Variants in ALDH1A2 observed in about 807,000 individuals in gnomAD.
The protein encoded by ALDH1A2 is aldehyde dehydrogenase 1 family member A2.
ALDH1A2 carries 27 observed loss-of-function variants against 60.3 expected under a neutral mutation model. The ratio of observed to expected loss-of-function variants is 0.45; its 90% CI spans 0.33 to 0.62. The LOEUF (loss-of-function observed/expected upper bound fraction) is 0.62, where lower values mean the gene tolerates loss of function less well. Among genes scored for constraint, ALDH1A2 ranks in the 20% least tolerant of loss-of-function variants. The pLI is 0.02. For missense variants in ALDH1A2, 581 were observed against 643.8 expected (o/e 0.90, Z 1.06); for synonymous variants, 289 against 232.4 (o/e 1.24, Z -2.21).
chr15:58,052,427 C>T (rs1029365890), intron 1 of ALDH1A2, among the ~76,000 whole-genome samples: 3 of 152,082 alleles, frequency 2.0e-5, no homozygotes, highest in Non-Finnish European at 4.4e-5. Flanking sequence ...TCTGGTCTCT[C>T]ATTTTGTAAG....
At chr15:57,980,593 G>C in intron 7 of ALDH1A2, 1 of 265,548 alleles carries the variant, frequency 3.8e-6, no homozygotes, top group Admixed American at 4.0e-5. Context: ...GCCAGTTCTT[G>C]ACCTCGGCTG....
chr15:58,008,388 G>A (rs1412635789), intron 4 of ALDH1A2, among the ~76,000 whole-genome samples: 2 of 151,966 alleles, frequency 1.3e-5, no homozygotes, highest in Admixed American at 6.6e-5. Flanking sequence ...TTTATAACTC[G>A]TAGATAAGCA....
At chr15:58,010,553 T>G in intron 4 of ALDH1A2, 96 bp downstream of exon 4, 1 of 1,522,020 alleles carries the variant, frequency 6.6e-7, no homozygotes, top group Non-Finnish European at 9.0e-7. Context: ...TGTGCTCATA[T>G]CTGTATTCTG....
In ALDH1A2 at chr15:58,006,127, T is replaced by G. The variant is rs76101433; in HGVS notation, c.493+4522A>C. Among the ~76,000 whole-genome samples the G allele has an allele frequency of 8.3e-3, 1,255 of 151,978 alleles. 22 individuals are homozygous for G. The highest frequency in any genetic ancestry group is 0.029 in the African/African-American group (1,185 of 41,508). On this transcript the variant is annotated intron_variant, in intron 4 of 12. Transcript: ENST00000249750. ...CCAAGATTTTGGTGCATCTGTCACC[T>G]GGGTAGTGTACACTGTACCCAATAT...
intron 1 of ALDH1A2, among the ~76,000 whole-genome samples, chr15:58,027,803 T>C (rs1399066815): frequency 2.0e-5 from 3 of 151,980 alleles, no homozygotes; most frequent in Admixed American, 1.3e-4. Flanking sequence ...CTATCAGTGA[T>C]TGAAGATCAA....
intron 1 of ALDH1A2, among the ~76,000 whole-genome samples, chr15:58,028,456 T>C (rs1896138840): frequency 6.6e-6 from 1 of 152,100 alleles, no homozygotes. Flanking sequence ...CATGCAAAAT[T>C]GTAAAGACCA....
At chr15:58,022,211 G>C (rs1895946756) in intron 1 of ALDH1A2, among the ~76,000 whole-genome samples, 2 of 152,118 alleles carry the variant, frequency 1.3e-5, no homozygotes, top group African/African-American at 4.8e-5. Flanking sequence ...CCATTCCCGA[G>C]ACAGAGCACA....
intron 1 of ALDH1A2, among the ~76,000 whole-genome samples, chr15:58,024,660 A>G (rs1177604296): frequency 6.6e-6 from 1 of 152,178 alleles, no homozygotes; most frequent in African/African-American, 2.4e-5. Flanking sequence ...TCTAGGCAGA[A>G]AATCAACCAA....
chr15:57,980,128 G>C (rs945895511), intron 7 of ALDH1A2: 1 of 293,686 alleles, frequency 3.4e-6, no homozygotes, highest in African/African-American at 2.2e-5. Flanking sequence ...TGGTACATTT[G>C]TTGGTGCCCA....
intron 7 of ALDH1A2, among the ~76,000 whole-genome samples, 181 bp downstream of exon 7, chr15:57,992,524 T>G (rs35956331): frequency 6.6e-6 from 1 of 152,342 alleles, no homozygotes; most frequent in East Asian, 1.9e-4. Context: ...GGTCAAATGG[T>G]CCCTGTGTGC....
At chr15:58,010,226 C>T (rs1391721858) in intron 4 of ALDH1A2, among the ~76,000 whole-genome samples, 2 of 152,112 alleles carry the variant, frequency 1.3e-5, no homozygotes, top group Non-Finnish European at 2.9e-5. Flanking sequence ...TCAGAGACAA[C>T]TGTTAACACT....
At chr15:58,010,568 ACTG>A in intron 4 of ALDH1A2, 78 bp downstream of exon 4, 1 of 1,571,840 alleles carries the variant, frequency 6.4e-7, no homozygotes, top group African/African-American at 1.4e-5. Context: ...ATTCTGTGTG[ACTG>A]CTGTTTGTGT....
intron 1 of ALDH1A2, chr15:58,058,178 G>T: frequency 9.5e-7 from 1 of 1,048,198 alleles, no homozygotes; most frequent in Non-Finnish European, 1.4e-6. Context: ...ACCTTCCCAG[G>T]CAAAGCCTTC....
intron 1 of ALDH1A2, among the ~76,000 whole-genome samples, chr15:58,040,624 C>G (rs571048881): frequency 6.6e-6 from 1 of 152,018 alleles, no homozygotes; most frequent in South Asian, 2.1e-4. Flanking sequence ...CCTTTCCTCT[C>G]AACATCTATG....
At chr15:58,030,083 C>CA (rs1477941743) in intron 1 of ALDH1A2, among the ~76,000 whole-genome samples, 2 of 151,992 alleles carry the variant, frequency 1.3e-5, no homozygotes, top group Non-Finnish European at 2.9e-5. Flanking sequence ...AGAGACACAA[C>CA]AAAAAAAGAC....
chr15:57,977,064 T>C (rs1211322068), intron 7 of ALDH1A2, among the ~76,000 whole-genome samples: 4 of 151,886 alleles, frequency 2.6e-5, no homozygotes, highest in African/African-American at 7.3e-5. Flanking sequence ...TTTTGCGAAG[T>C]GTGTGTTCAT....
intron 1 of ALDH1A2, among the ~76,000 whole-genome samples, chr15:58,058,486 A>C (rs1304356833): frequency 8.0e-5 from 12 of 150,422 alleles, no homozygotes; most frequent in Admixed American, 7.3e-4. Flanking sequence ...AAAAAAAAAA[A>C]CCTAAGAGTC....
intron 1 of ALDH1A2, among the ~76,000 whole-genome samples, chr15:58,018,772 C>T (rs1291021092): frequency 6.6e-6 from 1 of 152,098 alleles, no homozygotes; most frequent in African/African-American, 2.4e-5. Context: ...GAGGATACAA[C>T]AGGCAAATCC....
At chr15:58,007,562 A>T (rs1163392498) in intron 4 of ALDH1A2, among the ~76,000 whole-genome samples, 1 of 152,064 alleles carries the variant, frequency 6.6e-6, no homozygotes, top group Non-Finnish European at 1.5e-5. Context: ...TAGATGTAAA[A>T]TGGGTAAAAT....
Sources: allele counts gnomAD v4.1 joint callset (sites outside exome capture counted in the v4.1 genomes callset), GRCh38; gene constraint gnomAD v4.1.1; transcripts MANE v1.5; gene names NCBI Gene and HGNC (gene_info 2026-07-23, HGNC 2026-07-21).